Variants in PPIL2 observed in about 807,000 individuals in gnomAD.
PPIL2 encodes the protein peptidylprolyl isomerase like 2.
Under a neutral mutation model 75.2 loss-of-function variants are expected in PPIL2, and 50 were observed. That is an observed-to-expected ratio of 0.66 (90% CI 0.53 to 0.84). The LOEUF (loss-of-function observed/expected upper bound fraction) is 0.84, where lower values mean the gene tolerates loss of function less well. PPIL2 is among the 40% of genes least tolerant of loss of function. The pLI is 0.00. For missense variants in PPIL2, 590 were observed against 685.0 expected (o/e 0.86, Z 1.55); for synonymous variants, 245 against 258.8 (o/e 0.95, Z 0.51).
Position 21,672,867 on chromosome 22 carries a change from G to A in PPIL2, c.243+486G>A, listed in dbSNP as rs375585986. ...GTGCGAGACGGAGGGTCGGGACTCC[G>A]GTGGGCTCCCTGTGCTGGAGCCGCT... On this transcript the variant is annotated intron_variant, in intron 5 of 19. Coordinates refer to ENST00000398831, the MANE Select transcript of PPIL2 (RefSeq NM_014337.4). Among the ~76,000 whole-genome samples the A allele has an allele frequency of 1.7e-4, 26 of 152,346 alleles. No homozygotes were observed. The East Asian group carries it at 4.6e-3, about 27-fold the overall frequency.
downstream of PPIL2, chr22:21,698,261 CAA>C (rs35100577): frequency 3.3e-4 from 41 of 123,186 alleles, no homozygotes; most frequent in Middle Eastern, 4.2e-3. Flanking sequence ...GTATAAATTA[CAA>C]AAAAAAAAAA....
At chr22:21,679,914 C>A (rs1457889420) in intron 6 of PPIL2, among the ~76,000 whole-genome samples, 1 of 151,232 alleles carries the variant, frequency 6.6e-6, no homozygotes, top group Admixed American at 6.6e-5. Context: ...GGTGAAACCC[C>A]GTCTCTACTA....
At chr22:21,695,298 G>A in intron 19 of PPIL2, 96 bp from the exon 20 acceptor site, 1 of 1,410,990 alleles carries the variant, frequency 7.1e-7, no homozygotes, top group Non-Finnish European at 9.7e-7. Flanking sequence ...AGGTGGGAGG[G>A]GTTGGGCCTA....
At chr22:21,683,107 C>A in intron 8 of PPIL2, 75 bp from the exon 9 acceptor site, 1 of 1,268,868 alleles carries the variant, frequency 7.9e-7, no homozygotes, top group Non-Finnish European at 1.2e-6. Flanking sequence ...GACAGCTGGC[C>A]GTCCTTTGCT....
chr22:21,684,934 G>T, intron 10 of PPIL2, 21 bp downstream of exon 10: 1 of 1,611,580 alleles, frequency 6.2e-7, no homozygotes, highest in Non-Finnish European at 8.5e-7. Flanking sequence ...GAGGGCACTC[G>T]GCCAAGCCCA....
In PPIL2 at chr22:21,694,792, A is replaced by G. The variant is rs781060366; in HGVS notation, c.1307A>G (p.Asp436Gly). The G allele has an allele frequency of 3.1e-6, 5 of 1,606,766 alleles. No individual in the cohort carries two copies. In the Admixed American group the frequency reaches 8.4e-5, roughly 27 times the overall value. Residue 436 changes from aspartate to glycine, a missense_variant, in exon 18 of 20, where the codon GAC becomes GGC. By Grantham distance (94) the Asp-to-Gly change is moderately conservative. Coordinates refer to ENST00000398831, the MANE Select transcript of PPIL2 (RefSeq NM_014337.4). Reference sequence around the variant, plus strand: ...ATTGATGCCACTACAGTGTTCGTGGACCCCTATGAGGAGGCCGATGCCCAG... The same window carrying G: ...ATTGATGCCACTACAGTGTTCGTGGGCCCCTATGAGGAGGCCGATGCCCAG... ...IRIDATTVFV[D>G]PYEEADAQIA...
At chr22:21,670,479 T>C in intron 2 of PPIL2, 87 bp from the exon 3 acceptor site, 1 of 1,499,236 alleles carries the variant, frequency 6.7e-7, no homozygotes, top group Non-Finnish European at 9.2e-7. Flanking sequence ...AACTTTTTCA[T>C]AAGCTGTAAC....
chr22:21,669,983 G>T (rs368697839), intron 2 of PPIL2, 21 bp downstream of exon 2: 7 of 1,607,570 alleles, frequency 4.4e-6, no homozygotes, highest in Non-Finnish European at 6.0e-6. Context: ...CAGTCTTTCT[G>T]TTCCCCGTTG....
Position 21,669,902 on chromosome 22 carries a change from CTCT to C in PPIL2, c.33-5_33-3del. ...GTGGTGGTGGTAGCATTATCTTCCT[CTCT>C]TCTTCAGGTACATTACCTGTGCTGA... On this transcript the variant is annotated splice_polypyrimidine_tract_variant and splice_region_variant and intron_variant, in intron 1 of 19. Coordinates refer to ENST00000398831, the MANE Select transcript of PPIL2 (RefSeq NM_014337.4). 6.2e-7 allele frequency: 1 copy of C among 1,613,066 alleles called. No homozygotes were observed. The highest frequency in any genetic ancestry group is 8.5e-7 in the Non-Finnish European group (1 of 1,178,982).
intron 15 of PPIL2, among the ~76,000 whole-genome samples, chr22:21,691,222 G>T (rs897512393): frequency 6.6e-6 from 1 of 151,850 alleles, no homozygotes; most frequent in Non-Finnish European, 1.5e-5. Flanking sequence ...GAGATTACAG[G>T]CATGAGCCAC....
In PPIL2 at chr22:21,693,879, G is replaced by A. The variant is rs949936700; in HGVS notation, c.1196+7G>A. 3.3e-6 allele frequency: 5 copies of A among 1,535,436 alleles called. No homozygotes were observed. The African/African-American group carries it at 6.8e-5, about 21-fold the overall frequency. On this transcript the variant is annotated splice_region_variant and intron_variant, in intron 16 of 19. Transcript: ENST00000398831. Reference sequence around the variant, plus strand: ...AGCATACCATCTTTGGACGGTAAGGGAAGCGGCTGTGTGAAGCCTGGGGGG... The same window carrying A: ...AGCATACCATCTTTGGACGGTAAGGAAAGCGGCTGTGTGAAGCCTGGGGGG...
intron 16 of PPIL2, 123 bp from the exon 17 acceptor site, chr22:21,694,470 C>G (rs1187984641): frequency 1.9e-6 from 2 of 1,059,586 alleles, no homozygotes; most frequent in African/African-American, 3.1e-5. Context: ...TTCCTGGCTG[C>G]TGCCCAAGGA....
chr22:21,686,847 GC>G, intron 11 of PPIL2, 44 bp from the exon 12 acceptor site: 1 of 1,579,600 alleles, frequency 6.3e-7, no homozygotes, highest in Non-Finnish European at 8.7e-7. Flanking sequence ...TGGTGGGGCT[GC>G]CCCAGGGTGA....
At chr22:21,687,553 A>T in intron 12 of PPIL2, 90 bp from the exon 13 acceptor site, 2 of 435,580 alleles carry the variant, frequency 4.6e-6, no homozygotes, top group South Asian at 4.3e-5. Context: ...TCCACCTCAA[A>T]AAAAAAAAAA....
chr22:21,691,982 G>A (rs1359307141), intron 15 of PPIL2, among the ~76,000 whole-genome samples: 3 of 152,140 alleles, frequency 2.0e-5, no homozygotes, highest in African/African-American at 4.8e-5. Flanking sequence ...CTCACCAGCC[G>A]GGTTGTGGGC....
At chr22:21,671,153 G>C in intron 4 of PPIL2, 94 bp downstream of exon 4, 1 of 1,271,042 alleles carries the variant, frequency 7.9e-7, no homozygotes, top group Non-Finnish European at 1.2e-6. Context: ...AGGGCTCTTG[G>C]GCACACAGAA....
In PPIL2 at chr22:21,686,921, C is replaced by T. The variant is rs780392519; in HGVS notation, c.820C>T (p.Gln274Ter). The T allele has an allele frequency of 3.1e-6, 5 of 1,613,982 alleles. No individual in the cohort carries two copies. Among genetic ancestry groups the T allele is most frequent in the Non-Finnish European group, 4.2e-6 (5 of 1,180,028 alleles). ...AAIDEDVLRY[Q>*]FVKKKGYVRL... ...CATCGACGAGGATGTGCTGCGCTAC[C>T]AGTTTGTGAAGAAGAAGGGCTACGT... Residue 274 changes from glutamine to a stop codon, truncating the protein, a stop_gained, in exon 12 of 20, where the codon CAG becomes TAG. Coordinates refer to ENST00000398831, the MANE Select transcript of PPIL2 (RefSeq NM_014337.4). LOFTEE classifies it high-confidence loss of function.
At position 21,670,604 on chromosome 22, in the gene PPIL2, C is replaced by T. The variant is rs748168011; in HGVS notation, c.121C>T (p.His41Tyr). The change falls in exon 3 of 20, where the codon CAC becomes TAC. Residue 41 changes from histidine (H) to tyrosine (Y), a missense_variant. Transcript: ENST00000398831. The stretch of plus-strand genomic sequence containing the variant: ...AAATTTTCGTCGTTTACCTTTTGAC[C>T]ACTGCAGGTAAGAGTTTTGCGAGTT... ...QTNFRRLPFD[H>Y]CSLSLQPFVY... 2 of 1,610,744 alleles carry T rather than the reference C, an allele frequency of 1.2e-6. No homozygotes were observed. The highest frequency in any genetic ancestry group is 2.2e-5 in the South Asian group (2 of 90,998).
chr22:21,690,520 T>TG (rs1156905950), intron 15 of PPIL2, among the ~76,000 whole-genome samples: 2 of 152,234 alleles, frequency 1.3e-5, no homozygotes, highest in African/African-American at 2.4e-5. Context: ...GGTATTCTCT[T>TG]GGCCTCGCTG....
Sources: allele counts gnomAD v4.1 joint callset (sites outside exome capture counted in the v4.1 genomes callset), GRCh38; gene constraint gnomAD v4.1.1; transcripts MANE v1.5; gene names NCBI Gene and HGNC (gene_info 2026-07-23, HGNC 2026-07-21).